The following MPV17L2 variants were observed in gnomAD, a reference collection of about 807,000 sequenced individuals.
MPV17L2 encodes the protein MPV17 mitochondrial inner membrane protein like 2, also known as mpv17-like protein 2.
Under a neutral mutation model 24.2 loss-of-function variants are expected in MPV17L2, and 25 were observed. The ratio of observed to expected loss-of-function variants is 1.03; its 90% CI spans 0.75 to 1.44. The LOEUF (loss-of-function observed/expected upper bound fraction) is 1.44, where lower values mean the gene tolerates loss of function less well. Ranked by LOEUF, MPV17L2 falls within the 40% of genes most tolerant of loss-of-function variation. The pLI is 0.00. For synonymous variants in MPV17L2, 130 were observed against 121.4 expected, an observed-to-expected ratio of 1.07 and a Z score of -0.46; for missense variants, 271 against 276.2, an observed-to-expected ratio of 0.98 and a Z score of 0.13.
Position 18,194,994 on chromosome 19 carries a change from A to G in MPV17L2, c.472A>G (p.Asn158Asp). ...WCVWPAAQFV[N>D]FLFVPPQFRV... is the part of the protein sequence containing the mutation. ...CGTGTGGCCTGCTGCGCAGTTCGTG[A>G]ACTTCCTCTTCGTGCCCCCCCAATT... Residue 158 changes from asparagine to aspartate, a missense_variant, in exon 4 of 5, where the codon AAC becomes GAC. Coordinates refer to ENST00000599612, the MANE Select transcript of MPV17L2 (RefSeq NM_032683.3). 6.2e-7 allele frequency: 1 copy of G among 1,605,300 alleles called. No individual in the cohort carries two copies. Among genetic ancestry groups the G allele is most frequent in the Non-Finnish European group, 8.5e-7 (1 of 1,176,054 alleles).
At chr19:18,193,757 C>T (rs1374129601) in intron 1 of MPV17L2, 107 bp from the exon 2 acceptor site, 4 of 1,522,068 alleles carry the variant, frequency 2.6e-6, no homozygotes, top group Non-Finnish European at 3.5e-6. Context: ...GAGGCTGAGG[C>T]TCCGGGATGG....
Position 18,193,403 on chromosome 19 carries a change from A to C in MPV17L2, c.122A>C (p.Asp41Ala). 2 of 1,570,668 alleles carry C rather than the reference A, an allele frequency of 1.3e-6. No homozygotes were observed. The highest frequency in any genetic ancestry group is 1.7e-6 in the Non-Finnish European group (2 of 1,166,060). The change falls in exon 1 of 5, where the codon GAT becomes GCT. Residue 41 changes from aspartate to alanine, a missense_variant. Physicochemically the swap from Asp to Ala is moderately radical, Grantham distance 126 (BLOSUM62 -2). Transcript: ENST00000599612. The part of the protein sequence containing the change: ...LGCGALMAAG[D>A]GVRQSWEIRA... ...TGCGGCGCGCTCATGGCGGCCGGTGATGGCGTGCGCCAGTCCTGGGAGATC... is the reference window on the plus strand; with the variant it reads ...TGCGGCGCGCTCATGGCGGCCGGTGCTGGCGTGCGCCAGTCCTGGGAGATC...
intron 1 of MPV17L2, 170 bp downstream of exon 1, chr19:18,193,638 C>G: frequency 7.0e-7 from 1 of 1,419,244 alleles, no homozygotes; most frequent in South Asian, 1.6e-5. Context: ...TCCATCACCT[C>G]CCAACCCCCG....
At chr19:18,194,208 G>C in intron 2 of MPV17L2, 174 bp downstream of exon 2, 1 of 681,124 alleles carries the variant, frequency 1.5e-6, no homozygotes, top group East Asian at 2.7e-5. Flanking sequence ...TGTGAACGCT[G>C]GCGAGTGTAG....
rs1241288031 is a variant in MPV17L2, at chr19:18,194,784, C to G, written c.366C>G (p.Gly122=). The change falls in exon 3 of 5, where the codon GGC becomes GGG. Residue 122 remains glycine (G), a synonymous_variant. Transcript: ENST00000599612. ...TCTTGGTTTGCTTCCCAGGCCTTGG[C>G]TGCCTGGAGGGTCAGACAGTGGGTG... The part of the protein sequence containing the change: ...LLGVWYFLGL[G]CLEGQTVGES... 1.9e-6 allele frequency: 3 copies of G among 1,608,748 alleles called. No homozygotes were observed. Among genetic ancestry groups the G allele is most frequent in the Non-Finnish European group, 2.5e-6 (3 of 1,178,178 alleles).
At position 18,194,786 on chromosome 19, in the gene MPV17L2, G is replaced by T. The variant is rs780354194; in HGVS notation, c.368G>T (p.Cys123Phe). The part of the protein sequence containing the change: ...LGVWYFLGLG[C>F]LEGQTVGESC... Reference sequence around the variant, plus strand: ...TTGGTTTGCTTCCCAGGCCTTGGCTGCCTGGAGGGTCAGACAGTGGGTGAG... The same window carrying T: ...TTGGTTTGCTTCCCAGGCCTTGGCTTCCTGGAGGGTCAGACAGTGGGTGAG... The change falls in exon 3 of 5, where the codon TGC becomes TTC. Residue 123 changes from cysteine (C) to phenylalanine (F), a missense_variant. Cys to Phe is a radical substitution (Grantham distance 205). Coordinates refer to ENST00000599612, the MANE Select transcript of MPV17L2 (RefSeq NM_032683.3). 1 of 1,609,240 alleles carries T rather than the reference G, an allele frequency of 6.2e-7. No homozygotes were observed. The highest frequency in any genetic ancestry group is 8.5e-7 in the Non-Finnish European group (1 of 1,178,454).
chr19:18,196,539 C>A lies in MPV17L2; in HGVS notation c.*484C>A. ...CAGCCTCTGTGTTTCTTTCCCTGGT[C>A]CTGAACTGTGGAAATGCCATTAAAC... On this transcript the variant is annotated 3_prime_UTR_variant, in exon 5 of 5. Coordinates refer to ENST00000599612, the MANE Select transcript of MPV17L2 (RefSeq NM_032683.3). The A allele has an allele frequency of 1.2e-6, 1 of 866,664 alleles. No homozygotes were observed. The highest frequency in any genetic ancestry group is 1.6e-5 in the South Asian group (1 of 61,850). 53.7% of individuals were successfully genotyped at this position (866,664 alleles called of 1,614,324 possible). A position where few individuals can be genotyped will look rare whatever the true frequency, so the allele number is the denominator to read the frequency against.
rs748962421 is a variant in MPV17L2 at position 18,196,132 on chromosome 19, T to G, written c.*77T>G. The G allele has an allele frequency of 3.8e-5, 61 of 1,609,188 alleles. No individual in the cohort carries two copies. Among genetic ancestry groups the G allele is most frequent in the Non-Finnish European group, 5.2e-5 (61 of 1,178,818 alleles). On this transcript the variant is annotated 3_prime_UTR_variant, in exon 5 of 5. Coordinates refer to ENST00000599612, the MANE Select transcript of MPV17L2 (RefSeq NM_032683.3). ...CTCTGACAGAAGGGGAATGGGCTCC[T>G]GCAGCAAGCTCGGGTCTTGAGCCAC...
chr19:18,193,716 T>C, intron 1 of MPV17L2, 148 bp from the exon 2 acceptor site: 2 of 1,459,996 alleles, frequency 1.4e-6, no homozygotes, highest in Non-Finnish European at 1.8e-6. Context: ...AGTGGAAGAA[T>C]GCACGGGTGG....
In MPV17L2 at chr19:18,193,344, G is replaced by A; in HGVS notation, c.63G>A (p.Gln21=). The change falls in exon 1 of 5, where the codon CAG becomes CAA. Residue 21 remains glutamine, a synonymous_variant. Coordinates refer to ENST00000599612, the MANE Select transcript of MPV17L2 (RefSeq NM_032683.3). ...TATCCGCGGGGCAGCTTCTATTCCA[G>A]GGCCGCGCGCTGCTCGTCACTAACA... is the stretch of plus-strand genomic sequence containing the variant. ...RLLSAGQLLF[Q]GRALLVTNTL... is the part of the protein sequence containing the mutation. The A allele has an allele frequency of 6.4e-7, 1 of 1,565,020 alleles. No homozygotes were observed. Among genetic ancestry groups the A allele is most frequent in the African/African-American group, 1.4e-5 (1 of 72,408 alleles).
chr19:18,194,999 C>T lies in MPV17L2; in HGVS notation c.477C>T (p.Phe159=), dbSNP rs1448968553. Reference sequence around the variant, plus strand: ...GGCCTGCTGCGCAGTTCGTGAACTTCCTCTTCGTGCCCCCCCAATTTCGAG... The same window carrying T: ...GGCCTGCTGCGCAGTTCGTGAACTTTCTCTTCGTGCCCCCCCAATTTCGAG... ...CVWPAAQFVN[F]LFVPPQFRVT... The change falls in exon 4 of 5, where the codon TTC becomes TTT. Residue 159 remains phenylalanine (F), a synonymous_variant. Transcript: ENST00000599612. 1 of 1,612,960 alleles carries T rather than the reference C, an allele frequency of 6.2e-7. No individual in the cohort carries two copies. The highest frequency in any genetic ancestry group is 1.1e-5 in the South Asian group (1 of 91,014).
At position 18,196,096 on chromosome 19, in the gene MPV17L2, C is replaced by T. The variant is rs754041992; in HGVS notation, c.*41C>T. On this transcript the variant is annotated 3_prime_UTR_variant, in exon 5 of 5. Transcript: ENST00000599612. ...GACCAGATGCAAGACTGTCTCCTGG[C>T]GGACCACCCCCTCTGACAGAAGGGG... 41 of 1,613,508 alleles carry T rather than the reference C, an allele frequency of 2.5e-5. No individual in the cohort carries two copies. Among genetic ancestry groups the T allele is most frequent in the Admixed American group, 1.2e-4 (7 of 59,988 alleles).
In MPV17L2 at chr19:18,193,856, T is replaced by G. The variant is rs1233249229; in HGVS notation, c.188-8T>G. On this transcript the variant is annotated splice_polypyrimidine_tract_variant and splice_region_variant and intron_variant, in intron 1 of 4. Coordinates refer to ENST00000599612, the MANE Select transcript of MPV17L2 (RefSeq NM_032683.3). ...CCCGACCCAGCCCCCTGACTTACAC[T>G]CTTATAGCGAGCATGTTTGCGGTGG... The G allele has an allele frequency of 6.2e-7, 1 of 1,613,900 alleles. No individual in the cohort carries two copies. The highest frequency in any genetic ancestry group is 2.2e-5 in the East Asian group (1 of 44,862).
At chr19:18,195,119 G>T (rs200529266) in intron 4 of MPV17L2, 33 bp downstream of exon 4, 271 of 1,608,144 alleles carry the variant, frequency 1.7e-4, no homozygotes, top group South Asian at 3.2e-4. Flanking sequence ...GCACCCAGGG[G>T]ACTCCCCAGG....
In MPV17L2 at chr19:18,196,819, T is replaced by C. The variant is rs775938942; in HGVS notation, c.*764T>C. On this transcript the variant is annotated 3_prime_UTR_variant, in exon 5 of 5. Transcript: ENST00000599612. ...ACACATGGATGGTCCATTCGCTTTATTGGGTGCGTGTAGTGTTGTCATGAC... is the reference window on the plus strand; with the variant it reads ...ACACATGGATGGTCCATTCGCTTTACTGGGTGCGTGTAGTGTTGTCATGAC... 4 of 284,194 alleles carry C rather than the reference T, an allele frequency of 1.4e-5. No homozygotes were observed. The highest frequency in any genetic ancestry group is 4.5e-5 in the African/African-American group (2 of 44,634). 17.6% of individuals were successfully genotyped at this position (284,194 alleles called of 1,614,324 possible).
Position 18,193,379 on chromosome 19 carries a change from G to T in MPV17L2, c.98G>T (p.Cys33Phe). 2 of 1,569,024 alleles carry T rather than the reference G, an allele frequency of 1.3e-6. No individual in the cohort carries two copies. ...CTGCTCGTCACTAACACGCTGGGCT[G>T]CGGCGCGCTCATGGCGGCCGGTGAT... is the stretch of plus-strand genomic sequence containing the variant. The part of the protein sequence containing the change: ...RALLVTNTLG[C>F]GALMAAGDGV... Residue 33 changes from cysteine to phenylalanine, a missense_variant, in exon 1 of 5, where the codon TGC (cysteine) becomes TTC (phenylalanine). Transcript: ENST00000599612.
chr19:18,194,770 T>C lies in MPV17L2; in HGVS notation c.359-7T>C, dbSNP rs752705625. 1 of 1,604,838 alleles carries C rather than the reference T, an allele frequency of 6.2e-7. No individual in the cohort carries two copies. Among genetic ancestry groups the C allele is most frequent in the East Asian group, 2.2e-5 (1 of 44,766 alleles). ...CTAACACTCTCATTTCTTGGTTTGC[T>C]TCCCAGGCCTTGGCTGCCTGGAGGG... On this transcript the variant is annotated splice_polypyrimidine_tract_variant and splice_region_variant and intron_variant, in intron 2 of 4. Transcript: ENST00000599612.
rs749875208 is a variant in MPV17L2, at chr19:18,194,953, C to A, written c.436-5C>A. 2 of 1,611,934 alleles carry A rather than the reference C, an allele frequency of 1.2e-6. No homozygotes were observed. Among genetic ancestry groups the A allele is most frequent in the Non-Finnish European group, 1.7e-6 (2 of 1,178,642 alleles). ...CCGCCCCTCATCCCCCGCCTCTCCC[C>A]GCAGGCAGACTGGTGCGTGTGGCCT... On this transcript the variant is annotated splice_region_variant and splice_polypyrimidine_tract_variant and intron_variant, in intron 3 of 4. Coordinates refer to ENST00000599612, the MANE Select transcript of MPV17L2 (RefSeq NM_032683.3).
chr19:18,194,926 C>T, intron 3 of MPV17L2, 32 bp from the exon 4 acceptor site: 1 of 1,313,122 alleles, frequency 7.6e-7, no homozygotes, highest in Non-Finnish European at 1.1e-6. Context: ...CCAGCTCTGG[C>T]CCCGCCCCTC....
Sources: gnomAD v4.1 joint callset for allele counts on GRCh38, gnomAD v4.1.1 for gene constraint, MANE v1.5 for transcripts, NCBI Gene and HGNC (gene_info 2026-07-23, HGNC 2026-07-21) for gene names.